The following NLGN1 variants were observed in gnomAD, a reference collection of about 807,000 sequenced individuals.
The protein encoded by NLGN1 is neuroligin-1.
NLGN1 carries 12 observed loss-of-function variants against 65.5 expected under a neutral mutation model. The observed-to-expected ratio is 0.18, with a 90% CI of 0.12 to 0.30. The LOEUF (loss-of-function observed/expected upper bound fraction) is 0.30, where lower values mean the gene tolerates loss of function less well. NLGN1 is among the 10% of genes least tolerant of loss of function. The pLI is 1.00. For synonymous variants in NLGN1, 350 were observed against 359.5 expected (o/e 0.97, Z 0.30); for missense variants, 750 against 1,007.1 (o/e 0.74, Z 3.46).
chr3:174,116,224 CCAT>C (rs374780646), intron 4 of NLGN1, among the ~76,000 whole-genome samples: 196 of 151,958 alleles, frequency 1.3e-3, no homozygotes, highest in African/African-American at 4.2e-3. Context: ...TACACCACCA[CCAT>C]CAACACCACT....
chr3:174,146,109 C>T (rs900080058), intron 4 of NLGN1, among the ~76,000 whole-genome samples: 15 of 119,584 alleles, frequency 1.3e-4, no homozygotes, highest in Non-Finnish European at 2.2e-4. Flanking sequence ...TCCTTCCTTC[C>T]TTCCTTCCTT....
chr3:173,942,027 T>C (rs1168473058), intron 4 of NLGN1, among the ~76,000 whole-genome samples: 1 of 151,754 alleles, frequency 6.6e-6, no homozygotes, highest in Non-Finnish European at 1.5e-5. Flanking sequence ...CTATTGATGC[T>C]CCCTTCTTAT....
intron 2 of NLGN1, among the ~76,000 whole-genome samples, chr3:173,528,101 C>T (rs200401203): frequency 2.0e-5 from 3 of 152,162 alleles, no homozygotes; most frequent in African/African-American, 7.2e-5. Context: ...ATTGTCCTTT[C>T]ATTTCCATGT....
intron 3 of NLGN1, among the ~76,000 whole-genome samples, chr3:173,804,234 G>A (rs1044287112): frequency 5.9e-5 from 9 of 151,948 alleles, no homozygotes; most frequent in Non-Finnish European, 8.8e-5. Flanking sequence ...TGCAAATAAT[G>A]GAAATTATAA....
chr3:173,598,993 T>TA (rs1397329502), intron 2 of NLGN1, among the ~76,000 whole-genome samples: 3 of 152,168 alleles, frequency 2.0e-5, no homozygotes, highest in African/African-American at 7.2e-5. Flanking sequence ...GCACAGTATC[T>TA]ACTGAACATT....
intron 4 of NLGN1, among the ~76,000 whole-genome samples, chr3:174,221,357 T>A (rs1056963421): frequency 1.3e-5 from 2 of 152,090 alleles, no homozygotes; most frequent in African/African-American, 2.4e-5. Context: ...ACCAGCACTT[T>A]GCCAGCTTCT....
chr3:174,284,899 T>A (rs1364183758), exon 7 of NLGN1: 5 of 151,348 alleles, frequency 3.3e-5, no homozygotes, highest in Admixed American at 1.3e-4. Context: ...GACTTCCTGA[T>A]CTGTATGTGA....
At chr3:174,181,778 T>TACACACAC (rs3035853) in intron 4 of NLGN1, among the ~76,000 whole-genome samples, 1,655 of 142,656 alleles carry the variant, frequency 0.012, 20 homozygotes, top group African/African-American at 0.033. Context: ...AAAATAAAAA[T>TACACACAC]ACACACACAC....
chr3:173,895,624 T>C (rs1260143490), intron 4 of NLGN1, among the ~76,000 whole-genome samples: 3 of 152,002 alleles, frequency 2.0e-5, no homozygotes, highest in African/African-American at 4.8e-5. Context: ...CTTTGAATGA[T>C]AGACAGAATA....
chr3:173,606,039 ACT>A (rs1323908650), intron 3 of NLGN1, among the ~76,000 whole-genome samples: 1 of 151,894 alleles, frequency 6.6e-6, no homozygotes, highest in East Asian at 1.9e-4. Context: ...CCATCTGAAC[ACT>A]CTATGGACTT....
chr3:173,649,692 TAGAGAGAAAG>T (rs1758837776), intron 3 of NLGN1, among the ~76,000 whole-genome samples: 1 of 151,990 alleles, frequency 6.6e-6, no homozygotes, highest in South Asian at 2.1e-4. Context: ...CACACAGACC[TAGAGAGAAAG>T]AGAGAGAAAG....
intron 3 of NLGN1, among the ~76,000 whole-genome samples, chr3:173,738,867 A>G (rs1578200047): frequency 1.3e-5 from 2 of 152,102 alleles, no homozygotes; most frequent in South Asian, 2.1e-4. Context: ...AGAGGCAAAA[A>G]CATTTGATAT....
intron 3 of NLGN1, among the ~76,000 whole-genome samples, chr3:173,694,734 A>G (rs1765960954): frequency 6.6e-6 from 1 of 152,132 alleles, no homozygotes; most frequent in Admixed American, 6.5e-5. Context: ...GGCTTACAGC[A>G]CTTCTATGCA....
At chr3:173,617,219 G>T (rs1429439644) in intron 3 of NLGN1, among the ~76,000 whole-genome samples, 3 of 152,020 alleles carry the variant, frequency 2.0e-5, no homozygotes, top group African/African-American at 7.2e-5. Flanking sequence ...TTTTCCTCCA[G>T]TTATTCTTTG....
chr3:173,715,753 A>G (rs1024666244), intron 3 of NLGN1, among the ~76,000 whole-genome samples: 2 of 152,118 alleles, frequency 1.3e-5, no homozygotes, highest in Non-Finnish European at 2.9e-5. Context: ...GGTTTCGCAG[A>G]TAGTTCATTA....
chr3:173,824,872 A>G (rs1721021450), intron 4 of NLGN1, among the ~76,000 whole-genome samples: 1 of 152,090 alleles, frequency 6.6e-6, no homozygotes, highest in African/African-American at 2.4e-5. Context: ...GTATGTAGCC[A>G]TTTCAATATA....
At chr3:174,237,343 T>G (rs141868731) in intron 4 of NLGN1, among the ~76,000 whole-genome samples, 129 of 152,310 alleles carry the variant, frequency 8.5e-4, no homozygotes, top group African/African-American at 3.0e-3. Context: ...AACTACAATT[T>G]ACTTATACTG....
At chr3:173,731,413 G>A (rs575509267) in intron 3 of NLGN1, among the ~76,000 whole-genome samples, 7 of 152,086 alleles carry the variant, frequency 4.6e-5, no homozygotes, top group South Asian at 2.1e-4. Flanking sequence ...TGCACAAATC[G>A]TATAAAATAT....
At chr3:173,650,228 A>G (rs1010186494) in intron 3 of NLGN1, among the ~76,000 whole-genome samples, 4 of 152,086 alleles carry the variant, frequency 2.6e-5, no homozygotes, top group East Asian at 1.9e-4. Context: ...ACTCATCATT[A>G]TTCACTCAAA....
Sources: allele counts gnomAD v4.1 joint callset (sites outside exome capture counted in the v4.1 genomes callset), GRCh38; gene constraint gnomAD v4.1.1; transcripts MANE v1.5; gene names NCBI Gene and HGNC (gene_info 2026-07-23, HGNC 2026-07-21).